The following TJP1 variants were observed in gnomAD, a reference collection of about 807,000 sequenced individuals.
TJP1 encodes the protein tight junction protein ZO-1.
Under a neutral mutation model 194.2 loss-of-function variants are expected in TJP1, and 43 were observed. The observed-to-expected ratio is 0.22, with a 90% CI of 0.17 to 0.29. The LOEUF is 0.29. Among genes scored for constraint, TJP1 ranks in the 10% least tolerant of loss-of-function variants. The pLI is 1.00. For synonymous variants in TJP1, 801 were observed against 779.0 expected (o/e 1.03, Z -0.47); for missense variants, 1,971 against 2,185.7 (o/e 0.90, Z 1.96).
chr15:29,723,518 C>A (rs956590327), intron 18 of TJP1, among the ~76,000 whole-genome samples: 1 of 152,212 alleles, frequency 6.6e-6, no homozygotes, highest in Non-Finnish European at 1.5e-5. Context: ...CCAATTAAAT[C>A]TCTTTTCTTT....
chr15:29,725,481 AG>A (rs2043184458), intron 18 of TJP1, among the ~76,000 whole-genome samples: 1 of 152,150 alleles, frequency 6.6e-6, no homozygotes. Flanking sequence ...CAAACCAACA[AG>A]GAAGTACAAA....
chr15:29,730,058 T>C (rs2043519882), intron 15 of TJP1, among the ~76,000 whole-genome samples: 1 of 152,112 alleles, frequency 6.6e-6, no homozygotes, highest in Non-Finnish European at 1.5e-5. Flanking sequence ...AAAAAAAGCC[T>C]AACTGAACCA....
chr15:29,833,872 TATATATA>T (rs1567116923), intron 2 of TJP1, among the ~76,000 whole-genome samples: 2 of 25,630 alleles, frequency 7.8e-5, no homozygotes, highest in African/African-American at 2.7e-4. Context: ...TATATATATA[TATATATA>T]TATTTTTTTT....
At chr15:29,739,097 TCTTCTAACCC>T (rs1217014164) in intron 10 of TJP1, among the ~76,000 whole-genome samples, 1 of 151,982 alleles carries the variant, frequency 6.6e-6, no homozygotes, top group Non-Finnish European at 1.5e-5. Flanking sequence ...TTGGAAATCC[TCTTCTAACCC>T]TGACCCATCT....
chr15:29,955,727 G>A (rs1440587605), intron 2 of TJP1, among the ~76,000 whole-genome samples: 5 of 131,478 alleles, frequency 3.8e-5, no homozygotes, highest in Non-Finnish European at 7.7e-5. Flanking sequence ...CTCCAGTCAG[G>A]GCAACAGAAG....
chr15:29,850,371 C>T (rs1436720122), intron 2 of TJP1, among the ~76,000 whole-genome samples: 2 of 152,076 alleles, frequency 1.3e-5, no homozygotes, highest in Admixed American at 1.3e-4. Context: ...CACTCTGTAG[C>T]CCAGGCTGGA....
At chr15:29,800,794 A>G in intron 1 of TJP1, 92 bp from the exon 2 acceptor site, 1 of 1,237,996 alleles carries the variant, frequency 8.1e-7, no homozygotes, top group Non-Finnish European at 1.2e-6. Flanking sequence ...AGCACACTGA[A>G]ATACCAAAAT....
intron 2 of TJP1, among the ~76,000 whole-genome samples, chr15:29,945,447 C>A (rs2152290647): frequency 6.6e-6 from 1 of 152,330 alleles, no homozygotes; most frequent in East Asian, 1.9e-4. Flanking sequence ...AACTTCATTA[C>A]TTCAAACCAT....
At chr15:29,903,255 T>C (rs181009834) in intron 2 of TJP1, among the ~76,000 whole-genome samples, 13 of 152,286 alleles carry the variant, frequency 8.5e-5, no homozygotes, top group African/African-American at 2.4e-4. Flanking sequence ...ATGAATATTT[T>C]ATAAAGGCAC....
At chr15:29,722,043 T>C (rs2042960264) in intron 18 of TJP1, among the ~76,000 whole-genome samples, 2 of 152,338 alleles carry the variant, frequency 1.3e-5, no homozygotes, top group East Asian at 1.9e-4. Context: ...CTGGAACTTA[T>C]ATTTAAAAGT....
intron 23 of TJP1, among the ~76,000 whole-genome samples, chr15:29,711,933 A>G (rs1595576632): frequency 6.6e-6 from 1 of 152,360 alleles, no homozygotes; most frequent in Middle Eastern, 3.4e-3. Flanking sequence ...TTGAGTTACC[A>G]GGTCCATTTT....
intron 25 of TJP1, among the ~76,000 whole-genome samples, chr15:29,706,175 C>T (rs2151000008): frequency 6.6e-6 from 1 of 152,262 alleles, no homozygotes; most frequent in South Asian, 2.1e-4. Flanking sequence ...CGTCGTGATC[C>T]ACCTGCCTTG....
chr15:29,854,242 T>C (rs2051759320), intron 2 of TJP1, among the ~76,000 whole-genome samples: 1 of 152,192 alleles, frequency 6.6e-6, no homozygotes, highest in Non-Finnish European at 1.5e-5. Flanking sequence ...CACTGGTAGC[T>C]GCAGGATGGC....
intron 10 of TJP1, among the ~76,000 whole-genome samples, chr15:29,738,093 C>A (rs1324734000): frequency 1.3e-5 from 2 of 152,164 alleles, no homozygotes; most frequent in African/African-American, 4.8e-5. Context: ...ACACACCCAC[C>A]TCTAGCATCA....
chr15:29,721,334 T>C (rs762446071), intron 18 of TJP1, among the ~76,000 whole-genome samples: 5 of 152,092 alleles, frequency 3.3e-5, no homozygotes, highest in Admixed American at 6.6e-5. Flanking sequence ...AGTCTTGTGA[T>C]AGAATTCTCC....
At chr15:29,839,694 C>G (rs2051156727) in intron 2 of TJP1, among the ~76,000 whole-genome samples, 1 of 152,254 alleles carries the variant, frequency 6.6e-6, no homozygotes, top group African/African-American at 2.4e-5. Context: ...AACCGTGAAA[C>G]TGTTATGAAC....
chr15:29,953,140 ATT>A (rs71416442), intron 2 of TJP1, among the ~76,000 whole-genome samples: 1,799 of 110,948 alleles, frequency 0.016, 21 homozygotes, highest in Middle Eastern at 0.045. Context: ...AAGAAGACAG[ATT>A]TTTTTTTTTT....
At chr15:29,908,950 C>A (rs1009108162) in intron 2 of TJP1, among the ~76,000 whole-genome samples, 1 of 151,884 alleles carries the variant, frequency 6.6e-6, no homozygotes, top group Non-Finnish European at 1.5e-5. Context: ...ATCAGGAGAT[C>A]GAGAACATCC....
chr15:29,833,875 A>ATTTTTTTT (rs1175518448), intron 2 of TJP1, among the ~76,000 whole-genome samples: 15 of 16,554 alleles, frequency 9.1e-4, no homozygotes, highest in Non-Finnish European at 1.4e-3. Context: ...ATATATATAT[A>ATTTTTTTT]TATATATTTT....
Sources: allele counts gnomAD v4.1 joint callset (sites outside exome capture counted in the v4.1 genomes callset), GRCh38; gene constraint gnomAD v4.1.1; transcripts MANE v1.5; gene names NCBI Gene and HGNC (gene_info 2026-07-23, HGNC 2026-07-21).